AMER1: variants seen among roughly 807,000 people sequenced by gnomAD.
AMER1 encodes the protein APC membrane recruitment protein 1.
AMER1 carries 16 observed loss-of-function variants against 53.0 expected under a neutral mutation model. That is an observed-to-expected ratio of 0.30 (90% confidence interval 0.20 to 0.46). AMER1 has a LOEUF of 0.46. AMER1 is among the 20% of genes least tolerant of loss of function. The pLI is 1.00. For missense variants in AMER1, 947 were observed against 884.9 expected, an observed-to-expected ratio of 1.07 and a Z score of -0.89; for synonymous variants, 354 against 331.9, an observed-to-expected ratio of 1.07 and a Z score of -0.73.
chrX:64,199,114 C>T (rs1930435603), intron 1 of AMER1, among the ~76,000 whole-genome samples: 1 of 112,235 alleles, frequency 8.9e-6, no homozygotes, highest in Non-Finnish European at 1.9e-5. Context: ...TGCTGAGGGG[C>T]ACCTCCTGCC....
rs374751715 is a variant in AMER1, at chrX:64,192,214, C to T, written c.1073G>A (p.Arg358Gln). 2.6e-5 allele frequency: 32 copies of T among 1,210,528 alleles called. No homozygotes were observed. The highest frequency in any genetic ancestry group is 2.3e-4 in the Middle Eastern group (1 of 4,374). ...GQRANRDGTK[R>Q]SSCLVTYQGG... ...TTGGTAGGTCACCAGGCAGGAACTTCGCTTGGTCCCATCTCGGTTTGCTCT... is the reference window on the plus strand; with the variant it reads ...TTGGTAGGTCACCAGGCAGGAACTTTGCTTGGTCCCATCTCGGTTTGCTCT... Residue 358 changes from arginine to glutamine, a missense_variant, in exon 2 of 2, where the codon CGA becomes CAA. Transcript: ENST00000374869.
At chrX:64,201,453 A>G (rs866377952) in intron 1 of AMER1, among the ~76,000 whole-genome samples, 6,851 of 103,258 alleles carry the variant, frequency 0.066, 629 homozygotes, top group African/African-American at 0.24. Context: ...CCCCCAACAC[A>G]CACACACACA....
Position 64,193,400 on chromosome X carries a change from G to A in AMER1, c.-98-16C>T, listed in dbSNP as rs1930302290. The A allele has an allele frequency of 1.0e-5, 11 of 1,093,160 alleles. No homozygotes were observed. The highest frequency in any genetic ancestry group is 2.4e-5 in the Admixed American group (1 of 42,417). 90.1% of individuals were successfully genotyped at this position (1,093,160 alleles called of 1,213,427 possible). On this transcript the variant is annotated splice_polypyrimidine_tract_variant and intron_variant, in intron 1 of 1. Coordinates refer to ENST00000374869, the MANE Select transcript of AMER1 (RefSeq NM_152424.4). ...ACAGTGGGGTCTGGAGGAGATAGGA[G>A]AGACAAAGACAGAGAGACAGATACT...
chrX:64,196,293 T>C (rs1930367091), intron 1 of AMER1, among the ~76,000 whole-genome samples: 1 of 112,219 alleles, frequency 8.9e-6, no homozygotes, highest in Non-Finnish European at 1.9e-5. Context: ...ACGCAGGTAC[T>C]TGTGAGCTAT....
In AMER1 at chrX:64,190,121, C is replaced by G. The variant is rs2147084386; in HGVS notation, c.3166G>C (p.Asp1056His). 8.3e-7 allele frequency: 1 copy of G among 1,207,300 alleles called. No homozygotes were observed. Among genetic ancestry groups the G allele is most frequent in the Non-Finnish European group, 1.1e-6 (1 of 893,191 alleles). Reference protein sequence around the residue: ...ARPRDVLLPVDEPSCSSSSGG... With the variant: ...ARPRDVLLPVHEPSCSSSSGG... ...GAACTGGAAGAGCAACTGGGCTCAT[C>G]AACAGGCAGCAGCACATCTCGAGGC... The change falls in exon 2 of 2, where the codon GAT (aspartate) becomes CAT (histidine). Residue 1056 changes from aspartate (D) to histidine (H), a missense_variant. By Grantham distance (81) the Asp-to-His change is moderately conservative. Transcript: ENST00000374869.
chrX:64,186,031 T>C lies in AMER1; in HGVS notation c.*3848A>G. On this transcript the variant is annotated 3_prime_UTR_variant, in exon 2 of 2. Coordinates refer to ENST00000374869, the MANE Select transcript of AMER1 (RefSeq NM_152424.4). ...TAACGAGGAAAAAAAATAAGACACA[T>C]GAGTACTCTCAGAGGGTCTAGACAT... 2 of 871,841 alleles carry C rather than the reference T, an allele frequency of 2.3e-6. No individual in the cohort carries two copies. The highest frequency in any genetic ancestry group is 4.0e-5 in the African/African-American group (2 of 50,238). The allele number at this position is 871,841 out of a possible 1,213,427, so 71.8% of individuals were successfully genotyped here.
chrX:64,193,367 GA>G lies in AMER1; in HGVS notation c.-82del. ...GCACTGTTATAACATTATCAGTCAG[GA>G]AGCATCACAGTGGGGTCTGGAGGAG... On this transcript the variant is annotated 5_prime_UTR_variant, in exon 2 of 2. The change abolishes the stop of an existing upstream ORF in the 5' untranslated region. Coordinates refer to ENST00000374869, the MANE Select transcript of AMER1 (RefSeq NM_152424.4). 7 of 1,188,379 alleles carry G rather than the reference GA, an allele frequency of 5.9e-6. No individual in the cohort carries two copies. Among genetic ancestry groups the G allele is most frequent in the Non-Finnish European group, 6.8e-6 (6 of 878,408 alleles).
At chrX:64,200,634 C>T (rs1161167535) in intron 1 of AMER1, among the ~76,000 whole-genome samples, 1 of 111,015 alleles carries the variant, frequency 9.0e-6, no homozygotes, top group Non-Finnish European at 1.9e-5. Context: ...TGGTCTTGTG[C>T]CCAGTTTTCT....
intron 1 of AMER1, among the ~76,000 whole-genome samples, chrX:64,197,641 C>CA (rs1002506853): frequency 7.1e-5 from 8 of 112,512 alleles, no homozygotes; most frequent in Non-Finnish European, 1.3e-4. Flanking sequence ...CTGTTCCAAA[C>CA]AGTCTTCCTG....
Position 64,187,865 on chromosome X carries a change from C to T in AMER1, c.*2014G>A. 2.6e-6 allele frequency: 2 copies of T among 777,232 alleles called. No homozygotes were observed. The highest frequency in any genetic ancestry group is 1.8e-4 in the East Asian group (2 of 11,229). 64.1% of individuals were successfully genotyped at this position (777,232 alleles called of 1,213,427 possible). ...GCCTTCCTCACCCTCTTTCATTCTC[C>T]AGCTCCACAACAGATACATTTCTTC... On this transcript the variant is annotated 3_prime_UTR_variant, in exon 2 of 2. Transcript: ENST00000374869.
At chrX:64,203,026 T>A (rs1472368153) in intron 1 of AMER1, among the ~76,000 whole-genome samples, 1 of 111,460 alleles carries the variant, frequency 9.0e-6, no homozygotes, top group East Asian at 2.8e-4. Context: ...CCCCTCCCAT[T>A]CCTGGGTCTG....
chrX:64,189,794 C>CGGCGG lies in AMER1; in HGVS notation c.*84_*85insCCGCC. 1 of 301,692 alleles carries CGGCGG rather than the reference C, an allele frequency of 3.3e-6. No homozygotes were observed. Among genetic ancestry groups the CGGCGG allele is most frequent in the Non-Finnish European group, 4.3e-6 (1 of 232,769 alleles). The allele number at this position is 301,692 out of a possible 1,213,427, so 24.9% of individuals were successfully genotyped here. A position where few individuals can be genotyped will look rare whatever the true frequency, so the allele number is the denominator to read the frequency against. On this transcript the variant is annotated 3_prime_UTR_variant, in exon 2 of 2. Transcript: ENST00000374869. ...AAAGGGTTTTCAAGTTAAACAACAA[C>CGGCGG]CCCCACCCCCCCACCCTTCTGCCCA... is the stretch of plus-strand genomic sequence containing the variant.
rs1930302876 is a variant in AMER1, at chrX:64,193,445, T to C, written c.-98-61A>G. On this transcript the variant is annotated intron_variant, in intron 1 of 1. Coordinates refer to ENST00000374869, the MANE Select transcript of AMER1 (RefSeq NM_152424.4). ...GATACTAGTGAGCAAGCATCCAGGCTGGGTTTGCTTTCACCGGACGTCAGG... is the reference window on the plus strand; with the variant it reads ...GATACTAGTGAGCAAGCATCCAGGCCGGGTTTGCTTTCACCGGACGTCAGG... The C allele has an allele frequency of 1.5e-5, 12 of 818,390 alleles. No individual in the cohort carries two copies. The South Asian group carries it at 2.4e-4, about 16-fold the overall frequency. 67.4% of individuals were successfully genotyped at this position (818,390 alleles called of 1,213,427 possible).
intron 1 of AMER1, among the ~76,000 whole-genome samples, chrX:64,194,596 G>A (rs764131846): frequency 1.8e-5 from 2 of 111,437 alleles, no homozygotes; most frequent in South Asian, 3.9e-4. Context: ...CCTCTCTGTA[G>A]AGTGGCACCA....
At chrX:64,201,817 G>A (rs959432257) in intron 1 of AMER1, among the ~76,000 whole-genome samples, 3 of 111,879 alleles carry the variant, frequency 2.7e-5, no homozygotes, top group African/African-American at 9.8e-5. Context: ...TCTACGAGTG[G>A]AGATGTAACA....
chrX:64,191,172 A>G lies in AMER1; in HGVS notation c.2115T>C (p.Tyr705=), dbSNP rs762292606. The part of the protein sequence containing the change: ...WRDFRPLEKR[Y]EGTCSKKDQS... ...GATCTTTCTTGGAGCAGGTTCCTTCATAACGCTTCTCCAGAGGACGGAAGT... is the reference window on the plus strand; with the variant it reads ...GATCTTTCTTGGAGCAGGTTCCTTCGTAACGCTTCTCCAGAGGACGGAAGT... Residue 705 remains tyrosine, a synonymous_variant, in exon 2 of 2, where the codon TAT becomes TAC. Transcript: ENST00000374869. 4.1e-6 allele frequency: 5 copies of G among 1,212,132 alleles called. No homozygotes were observed. The highest frequency in any genetic ancestry group is 5.6e-6 in the Non-Finnish European group (5 of 895,612).
Position 64,190,801 on chromosome X carries a change from T to C in AMER1, c.2486A>G (p.His829Arg), listed in dbSNP as rs1458851862. The C allele has an allele frequency of 6.6e-6, 8 of 1,210,580 alleles. No homozygotes were observed. The highest frequency in any genetic ancestry group is 5.9e-5 in the East Asian group (2 of 33,823). ...EGKCEENPEF[H>R]NDEDLAASLE... ...GGAGGCTGCAAGATCTTCATCATTGTGGAACTCAGGATTCTCTTCACACTT... is the reference window on the plus strand; with the variant it reads ...GGAGGCTGCAAGATCTTCATCATTGCGGAACTCAGGATTCTCTTCACACTT... Residue 829 changes from histidine (H) to arginine (R), a missense_variant, in exon 2 of 2, where the codon CAC becomes CGC. By Grantham distance (29) the His-to-Arg change is conservative. Transcript: ENST00000374869.
At position 64,192,225 on chromosome X, in the gene AMER1, A is replaced by C. The variant is rs2147089134; in HGVS notation, c.1062T>G (p.Asp354Glu). 3 of 1,210,473 alleles carry C rather than the reference A, an allele frequency of 2.5e-6. No homozygotes were observed. In the South Asian group the frequency reaches 5.3e-5, roughly 21 times the overall value. The part of the protein sequence containing the change: ...MASGGQRANR[D>E]GTKRSSCLVT... ...CCAGGCAGGAACTTCGCTTGGTCCC[A>C]TCTCGGTTTGCTCTCTGGCCCCCAG... The change falls in exon 2 of 2, where the codon GAT (aspartate) becomes GAG (glutamate). Residue 354 changes from aspartate (D) to glutamate (E), a missense_variant. Coordinates refer to ENST00000374869, the MANE Select transcript of AMER1 (RefSeq NM_152424.4).
chrX:64,203,499 C>A (rs1309364471), intron 1 of AMER1, among the ~76,000 whole-genome samples: 1 of 111,280 alleles, frequency 9.0e-6, no homozygotes, highest in Non-Finnish European at 1.9e-5. Context: ...CTGAGAGAAC[C>A]CAGACATCCA....
Sources: gnomAD v4.1 joint callset for allele counts (sites outside exome capture counted in the v4.1 genomes callset) on GRCh38, gnomAD v4.1.1 for gene constraint, MANE v1.5 for transcripts, NCBI Gene and HGNC (gene_info 2026-07-23, HGNC 2026-07-21) for gene names.